LGALS2: variants seen among roughly 807,000 people sequenced by gnomAD.
LGALS2 encodes the protein galectin-2.
In LGALS2, 7 loss-of-function variants were observed where a neutral mutation model predicts 10.1. The ratio of observed to expected loss-of-function variants is 0.70; its 90% CI spans 0.40 to 1.31. The LOEUF (loss-of-function observed/expected upper bound fraction) is 1.31, where lower values mean the gene tolerates loss of function less well. Among genes scored for constraint, LGALS2 ranks in the 50% most tolerant of loss-of-function variants. LGALS2 has a pLI of 0.01. For synonymous variants in LGALS2, 86 were observed against 64.2 expected (o/e 1.34, Z -1.63); for missense variants, 167 against 163.6 (o/e 1.02, Z -0.11).
chr22:37,579,502 G>A (rs769952237), intron 1 of LGALS2, among the ~76,000 whole-genome samples: 9 of 151,920 alleles, frequency 5.9e-5, no homozygotes, highest in Non-Finnish European at 1.0e-4. Context: ...GCACAATCTC[G>A]GCTCACCATA....
chr22:37,571,713 G>A (rs146621246), intron 2 of LGALS2, 136 bp downstream of exon 2: 2 of 684,238 alleles, frequency 2.9e-6, no homozygotes, highest in Admixed American at 2.4e-5. Flanking sequence ...CAGGGGTGTG[G>A]GGAGAAGGGT....
chr22:37,576,376 C>G (rs1268536094), intron 1 of LGALS2, among the ~76,000 whole-genome samples: 2 of 148,674 alleles, frequency 1.3e-5, no homozygotes, highest in Non-Finnish European at 1.5e-5. Context: ...GGCGTGAACC[C>G]GGGAGGCGGT....
chr22:37,570,512 G>T, intron 3 of LGALS2, 64 bp downstream of exon 3: 2 of 1,608,902 alleles, frequency 1.2e-6, no homozygotes, highest in South Asian at 2.2e-5. Context: ...TCCAGGCCAG[G>T]CTCTCTTCCA....
intron 2 of LGALS2, among the ~76,000 whole-genome samples, chr22:37,571,151 G>T (rs923919860): frequency 6.6e-6 from 1 of 152,172 alleles, no homozygotes. Context: ...GACCTGCAGG[G>T]TTCCTGAAAG....
At chr22:37,572,048 C>T (rs550707200) in intron 1 of LGALS2, 117 bp from the exon 2 acceptor site, 21 of 806,132 alleles carry the variant, frequency 2.6e-5, no homozygotes, top group Non-Finnish European at 3.8e-5. Flanking sequence ...CCCCTGCCCA[C>T]GTGAGGACGC....
intron 1 of LGALS2, among the ~76,000 whole-genome samples, chr22:37,574,144 C>A (rs1268074479): frequency 6.6e-6 from 1 of 152,134 alleles, no homozygotes; most frequent in Non-Finnish European, 1.5e-5. Flanking sequence ...AAAGCAGCAC[C>A]TGAATTTCTG....
chr22:37,577,326 G>A (rs1925716110), intron 1 of LGALS2, among the ~76,000 whole-genome samples: 1 of 150,116 alleles, frequency 6.7e-6, no homozygotes, highest in African/African-American at 2.5e-5. Context: ...GAAAATTCAT[G>A]TCCACCTGGA....
chr22:37,570,791 T>C (rs1203824130), intron 2 of LGALS2, 56 bp from the exon 3 acceptor site: 1 of 1,606,636 alleles, frequency 6.2e-7, no homozygotes, highest in African/African-American at 1.3e-5. Flanking sequence ...ATAAAGCAGC[T>C]TGGGTTGGAG....
chr22:37,579,820 G>A, intron 1 of LGALS2, 80 bp downstream of exon 1: 1 of 1,453,896 alleles, frequency 6.9e-7, no homozygotes, highest in East Asian at 2.3e-5. Context: ...GGACAGCAAT[G>A]GTTTTCCCTA....
intron 3 of LGALS2, 79 bp downstream of exon 3, chr22:37,570,497 C>A: frequency 6.2e-7 from 1 of 1,606,622 alleles, no homozygotes; most frequent in South Asian, 1.1e-5. Flanking sequence ...AGGCCAGCAC[C>A]TGTGTCCAGG....
chr22:37,574,499 TAAAA>T (rs56410387), intron 1 of LGALS2, among the ~76,000 whole-genome samples: 15 of 119,958 alleles, frequency 1.3e-4, no homozygotes, highest in Admixed American at 2.6e-4. Context: ...AGACTCTGTC[TAAAA>T]AAAAAAAAAA....
In LGALS2 at chr22:37,580,022, G is replaced by A. The variant is rs529335277; in HGVS notation, c.-117C>T. 1.8e-6 allele frequency: 2 copies of A among 1,096,120 alleles called. No homozygotes were observed. Among genetic ancestry groups the A allele is most frequent in the East Asian group, 4.9e-5 (2 of 40,698 alleles). The allele number at this position is 1,096,120 out of a possible 1,614,324, so 67.9% of individuals were successfully genotyped here. ...CACATTAACTCCCTCAAGGTCCTAG[G>A]TGAGGACTTTGCCCCTTCTACCTTG... On this transcript the variant is annotated 5_prime_UTR_variant, in exon 1 of 4. Transcript: ENST00000215886.
Position 37,570,738 on chromosome 22 carries a change from G to T in LGALS2, c.90-3C>A. 1 of 1,614,178 alleles carries T rather than the reference G, an allele frequency of 6.2e-7. No individual in the cohort carries two copies. The highest frequency in any genetic ancestry group is 8.5e-7 in the Non-Finnish European group (1 of 1,180,030). ...CCTGGCCCAGATTAATTACAAAGCT[G>T]CAGGAGAAGGGGTAGCAGGTGAGGT... On this transcript the variant is annotated splice_region_variant and splice_polypyrimidine_tract_variant and intron_variant, in intron 2 of 3. Coordinates refer to ENST00000215886, the MANE Select transcript of LGALS2 (RefSeq NM_006498.3).
intron 1 of LGALS2, among the ~76,000 whole-genome samples, chr22:37,573,067 A>C (rs1408116832): frequency 6.6e-6 from 1 of 151,940 alleles, no homozygotes; most frequent in Non-Finnish European, 1.5e-5. Context: ...TGAGGTCAGG[A>C]GTTTAAGACC....
intron 2 of LGALS2, among the ~76,000 whole-genome samples, chr22:37,571,325 AGCACAGTTCCAAGAT>A (rs1261460166): frequency 6.6e-6 from 1 of 152,200 alleles, no homozygotes; most frequent in African/African-American, 2.4e-5. Flanking sequence ...AAGTAGATAA[AGCACAGTTCCAAGAT>A]GCGCTGACAT....
Position 37,572,370 on chromosome 22 carries a change from G to A in LGALS2, c.7-439C>T, listed in dbSNP as rs554136496. Among the ~76,000 whole-genome samples the A allele has an allele frequency of 3.9e-5, 6 of 152,300 alleles. No homozygotes were observed. The East Asian group carries it at 7.7e-4, about 20-fold the overall frequency. On this transcript the variant is annotated intron_variant, in intron 1 of 3. Coordinates refer to ENST00000215886, the MANE Select transcript of LGALS2 (RefSeq NM_006498.3). ...AATCTGGCCAGGTGCAGGGGCTCAC[G>A]CCTGTAATCCCAGCATTTTGGGAGG...
At chr22:37,576,118 G>T (rs985393850) in intron 1 of LGALS2, among the ~76,000 whole-genome samples, 6 of 152,128 alleles carry the variant, frequency 3.9e-5, no homozygotes, top group Non-Finnish European at 8.8e-5. Context: ...ACACAACGGG[G>T]TTGGGTCCAG....
chr22:37,576,227 C>T (rs995317648), intron 1 of LGALS2, among the ~76,000 whole-genome samples: 10 of 151,892 alleles, frequency 6.6e-5, no homozygotes, highest in East Asian at 5.8e-4. Context: ...CCGAGGGGGG[C>T]GGATCACGAG....
In LGALS2 at chr22:37,570,652, T is replaced by C. The variant is rs775044109; in HGVS notation, c.173A>G (p.Asn58Ser). 16 of 1,614,104 alleles carry C rather than the reference T, an allele frequency of 9.9e-6. No individual in the cohort carries two copies. The African/African-American group carries it at 2.0e-4, about 20-fold the overall frequency. Residue 58 changes from asparagine (N) to serine (S), a missense_variant, in exon 3 of 4, where the codon AAC becomes AGC. Coordinates refer to ENST00000215886, the MANE Select transcript of LGALS2 (RefSeq NM_006498.3). Reference sequence around the variant, plus strand: ...CCCCCAGTTGCTGCCGTCCAATGAGTTGCAGACAATGGTGGATTCGCTGAA... The same window carrying C: ...CCCCCAGTTGCTGCCGTCCAATGAGCTGCAGACAATGGTGGATTCGCTGAA... ...PRFSESTIVC[N>S]SLDGSNWGQE...
Sources: gnomAD v4.1 joint callset for allele counts (sites outside exome capture counted in the v4.1 genomes callset) on GRCh38, gnomAD v4.1.1 for gene constraint, MANE v1.5 for transcripts, NCBI Gene and HGNC (gene_info 2026-07-23, HGNC 2026-07-21) for gene names.